GNRHR: variants seen among roughly 807,000 people sequenced by gnomAD.
GNRHR encodes gonadotropin-releasing hormone receptor.
Under a neutral mutation model 28.1 loss-of-function variants are expected in GNRHR, and 14 were observed. The observed-to-expected ratio is 0.50, with a 90% CI of 0.33 to 0.78. GNRHR has a LOEUF of 0.78. Ranked by LOEUF, GNRHR falls within the 30% of genes least tolerant of loss-of-function variation. The pLI is 0.02. For synonymous variants in GNRHR, 141 were observed against 140.5 expected (o/e 1.00, Z -0.02); for missense variants, 366 against 382.1 (o/e 0.96, Z 0.35).
intron 2 of GNRHR, among the ~76,000 whole-genome samples, chr4:67,741,657 A>G (rs1210805097): frequency 6.6e-6 from 1 of 152,202 alleles, no homozygotes; most frequent in Non-Finnish European, 1.5e-5. Context: ...ACTAGTTAAC[A>G]TTCCCACCAA....
At chr4:67,742,688 T>A (rs1036293861) in intron 2 of GNRHR, among the ~76,000 whole-genome samples, 1 of 152,178 alleles carries the variant, frequency 6.6e-6, no homozygotes, top group African/African-American at 2.4e-5. Context: ...CTGTGTCAAG[T>A]AAGAAATACT....
At chr4:67,744,104 T>G (rs1423458351) in intron 2 of GNRHR, among the ~76,000 whole-genome samples, 1 of 152,234 alleles carries the variant, frequency 6.6e-6, no homozygotes, top group Non-Finnish European at 1.5e-5. Flanking sequence ...ATTTACATAG[T>G]CAATATTTCG....
At chr4:67,751,184 T>G (rs1236506662) in intron 1 of GNRHR, among the ~76,000 whole-genome samples, 1 of 152,208 alleles carries the variant, frequency 6.6e-6, no homozygotes, top group Non-Finnish European at 1.5e-5. Flanking sequence ...TTTTCTCAGT[T>G]ATATGTGTGA....
Position 67,740,741 on chromosome 4 carries a change from A to G in GNRHR, c.743-17T>C, listed in dbSNP as rs905232887. The G allele has an allele frequency of 6.2e-7, 1 of 1,604,350 alleles. No homozygotes were observed. The highest frequency in any genetic ancestry group is 8.5e-7 in the Non-Finnish European group (1 of 1,171,100). On this transcript the variant is annotated splice_polypyrimidine_tract_variant and intron_variant, in intron 2 of 2. Transcript: ENST00000226413. ...GTTGTAGTTCTGTTGGATAGAGAAAAGAGCAGGTGTTTAAAGATCAGTTTT... is the reference window on the plus strand; with the variant it reads ...GTTGTAGTTCTGTTGGATAGAGAAAGGAGCAGGTGTTTAAAGATCAGTTTT...
At chr4:67,742,808 A>G (rs1731683983) in intron 2 of GNRHR, among the ~76,000 whole-genome samples, 1 of 152,182 alleles carries the variant, frequency 6.6e-6, no homozygotes, top group Non-Finnish European at 1.5e-5. Context: ...AGAGGAGAAC[A>G]TTTACATGCA....
At chr4:67,741,089 G>T (rs908259974) in intron 2 of GNRHR, among the ~76,000 whole-genome samples, 2 of 151,662 alleles carry the variant, frequency 1.3e-5, no homozygotes, top group African/African-American at 4.8e-5. Context: ...GGGACTGATG[G>T]TGTTTGGCTA....
rs1731590397 is a variant in GNRHR, at chr4:67,738,382, T to A, written c.*2098A>T. Among the ~76,000 whole-genome samples the A allele has an allele frequency of 6.6e-6, 1 of 151,712 alleles. No homozygotes were observed. Among genetic ancestry groups the A allele is most frequent in the Admixed American group, 6.6e-5 (1 of 15,192 alleles). On this transcript the variant is annotated 3_prime_UTR_variant, in exon 3 of 3. Transcript: ENST00000226413. ...AAAAAATACATTGAAATATATATAT[T>A]TTTTGCATGAAATGTAGGTTAAGAA...
intron 1 of GNRHR, among the ~76,000 whole-genome samples, chr4:67,749,390 C>G (rs370179699): frequency 6.6e-5 from 10 of 152,104 alleles, no homozygotes; most frequent in African/African-American, 2.4e-4. Context: ...TAGTGATAAG[C>G]TTAACACAGA....
intron 2 of GNRHR, among the ~76,000 whole-genome samples, chr4:67,741,177 T>A (rs1039034009): frequency 6.6e-6 from 1 of 152,104 alleles, no homozygotes; most frequent in Non-Finnish European, 1.5e-5. Flanking sequence ...GTACCAAATG[T>A]GTAGTCTTTT....
chr4:67,742,461 C>G (rs10518043), intron 2 of GNRHR, among the ~76,000 whole-genome samples: 4,107 of 118,606 alleles, frequency 0.035, 95 homozygotes, highest in East Asian at 0.14. Context: ...CTGTGTGCTT[C>G]TTTCTATGAT....
rs1252803488 is a variant in GNRHR, at chr4:67,737,223, AATC to A, written c.*3254_*3256del. ...ATTCACAAGGAAGAAATTTTTAAGAAATCATGCAGATAACTATATTAACAGTTT... is the reference window on the plus strand; with the variant it reads ...ATTCACAAGGAAGAAATTTTTAAGAAATGCAGATAACTATATTAACAGTTT... On this transcript the variant is annotated 3_prime_UTR_variant, in exon 3 of 3. Coordinates refer to ENST00000226413, the MANE Select transcript of GNRHR (RefSeq NM_000406.3). Among the ~76,000 whole-genome samples, 2 of 152,096 alleles carry A rather than the reference AATC, an allele frequency of 1.3e-5. No homozygotes were observed. Among genetic ancestry groups the A allele is most frequent in the African/African-American group, 2.4e-5 (1 of 41,444 alleles).
At chr4:67,749,971 C>T (rs565287289) in intron 1 of GNRHR, among the ~76,000 whole-genome samples, 1 of 151,988 alleles carries the variant, frequency 6.6e-6, no homozygotes, top group African/African-American at 2.4e-5. Context: ...TTCCTGACTT[C>T]AAAACCTCTT....
At position 67,738,448 on chromosome 4, in the gene GNRHR, TA is replaced by T. The variant is rs766610755; in HGVS notation, c.*2031del. 3.9e-3 allele frequency among the ~76,000 whole-genome samples: 558 copies of T among 143,416 alleles called. 3 individuals carry two copies. Among genetic ancestry groups the T allele is most frequent in the Middle Eastern group, 0.035 (10 of 284 alleles). 94.1% of individuals were successfully genotyped at this position (143,416 alleles called of 152,430 possible). ...TTCGAATAGCCCTTTAGTTAATGTG[TA>T]AAAAAAAAAAATGCCTGAGGCAATT... is the stretch of plus-strand genomic sequence containing the variant. On this transcript the variant is annotated 3_prime_UTR_variant, in exon 3 of 3. Coordinates refer to ENST00000226413, the MANE Select transcript of GNRHR (RefSeq NM_000406.3).
At chr4:67,743,924 G>T (rs759485788) in intron 2 of GNRHR, among the ~76,000 whole-genome samples, 1 of 152,124 alleles carries the variant, frequency 6.6e-6, no homozygotes, top group Non-Finnish European at 1.5e-5. Context: ...CTGATAAGTT[G>T]TACCAGATAT....
In GNRHR at chr4:67,753,904, C is replaced by T. The variant is rs757229802; in HGVS notation, c.432G>A (p.Thr144=). The T allele has an allele frequency of 1.5e-5, 24 of 1,613,736 alleles. No individual in the cohort carries two copies. The highest frequency in any genetic ancestry group is 2.7e-5 in the African/African-American group (2 of 74,878). ...VISLDRSLAI[T]RPLALKSNSK... is the part of the protein sequence containing the mutation. ...TGTTGCTTTTCAAAGCTAGGGGCCT[C>T]GTGATAGCCAGGGAGCGGTCCAGGC... The change falls in exon 1 of 3, where the codon ACG becomes ACA. Residue 144 remains threonine, a synonymous_variant. Coordinates refer to ENST00000226413, the MANE Select transcript of GNRHR (RefSeq NM_000406.3).
At chr4:67,752,799 G>GTTT (rs138040976) in intron 1 of GNRHR, among the ~76,000 whole-genome samples, 7 of 123,342 alleles carry the variant, frequency 5.7e-5, no homozygotes, top group East Asian at 4.4e-4. Flanking sequence ...CTGCATGGCA[G>GTTT]TTTTTTTTTG....
chr4:67,748,635 C>T (rs2109985308), intron 1 of GNRHR, among the ~76,000 whole-genome samples: 1 of 151,766 alleles, frequency 6.6e-6, no homozygotes, highest in South Asian at 2.1e-4. Context: ...GCTGGCTGCA[C>T]CCATTAACTC....
chr4:67,740,487 G>C lies in GNRHR; in HGVS notation c.980C>G (p.Ser327Cys). ...TCTTGTGTAGTCTATCAATCACAGAGAAAAATATCCATAGATAAGTGGATC... is the reference window on the plus strand; with the variant it reads ...TCTTGTGTAGTCTATCAATCACAGACAAAAATATCCATAGATAAGTGGATC... Reference protein sequence around the residue: ...CFDPLIYGYFSL With the variant: ...CFDPLIYGYFCL Residue 327 changes from serine to cysteine, a missense_variant, in exon 3 of 3, where the codon TCT (serine) becomes TGT (cysteine). Ser to Cys is a moderately radical substitution (Grantham distance 112). Coordinates refer to ENST00000226413, the MANE Select transcript of GNRHR (RefSeq NM_000406.3). 6.2e-7 allele frequency: 1 copy of C among 1,602,572 alleles called. No individual in the cohort carries two copies. The highest frequency in any genetic ancestry group is 8.5e-7 in the Non-Finnish European group (1 of 1,169,718).
At chr4:67,744,853 T>C (rs1731727316) in intron 1 of GNRHR, 66 bp from the exon 2 acceptor site, 1 of 911,784 alleles carries the variant, frequency 1.1e-6, no homozygotes, top group South Asian at 1.3e-5. Flanking sequence ...TTCTCTTTGG[T>C]ACTCTGCTAG....
Sources: allele counts gnomAD v4.1 joint callset (sites outside exome capture counted in the v4.1 genomes callset), GRCh38; gene constraint gnomAD v4.1.1; transcripts MANE v1.5; gene names NCBI Gene and HGNC (gene_info 2026-07-23, HGNC 2026-07-21).